Variants in RAPGEF1 observed in about 807,000 individuals in gnomAD.
The protein encoded by RAPGEF1 is CRK SH3-binding GNRP.
RAPGEF1 carries 33 observed loss-of-function variants against 143.3 expected under a neutral mutation model. The ratio of observed to expected loss-of-function variants is 0.23; its 90% confidence interval spans 0.17 to 0.31. The LOEUF (loss-of-function observed/expected upper bound fraction) is 0.31, where lower values mean the gene tolerates loss of function less well. RAPGEF1 is among the 10% of genes least tolerant of loss of function. The pLI is 1.00. For missense variants in RAPGEF1, 1,199 were observed against 1,645.4 expected (o/e 0.73, Z 4.69); for synonymous variants, 629 against 676.5 (o/e 0.93, Z 1.09).
At position 131,686,517 on chromosome 9, in the gene RAPGEF1, T is replaced by C. The variant is rs1465837266; in HGVS notation, c.62-35568A>G. On this transcript the variant is annotated intron_variant, in intron 1 of 26. Transcript: ENST00000683357. ...GGCAGCCACACAAGGAGCTGCCCAA[T>C]TGGCCTGAAATCAACACAAAGTCAC... Among the ~76,000 whole-genome samples, 3 of 152,282 alleles carry C rather than the reference T, an allele frequency of 2.0e-5. 1 individual carries two copies. In the East Asian group the frequency reaches 5.8e-4, roughly 29 times the overall value.
intron 1 of RAPGEF1, among the ~76,000 whole-genome samples, chr9:131,662,903 A>C (rs2133686078): frequency 6.6e-6 from 1 of 152,238 alleles, no homozygotes; most frequent in Non-Finnish European, 1.5e-5. Flanking sequence ...TCCTGGGCTC[A>C]AGTGATCCTC....
rs112940795 is a variant in RAPGEF1, at chr9:131,592,186, A to C, written c.2690-3T>G. 2,388 of 1,504,636 alleles carry C rather than the reference A, an allele frequency of 1.6e-3. 32 individuals carry two copies. The African/African-American group carries it at 0.041, about 26-fold the overall frequency. The allele number at this position is 1,504,636 out of a possible 1,614,324, so 93.2% of individuals were successfully genotyped here. A position where few individuals can be genotyped will look rare whatever the true frequency, so the allele number is the denominator to read the frequency against. ...TGCCTCGCAGTACAACACCAAATCT[A>C]GAGGGAAAAAACAATGCAAACTGCT... On this transcript the variant is annotated splice_region_variant and splice_polypyrimidine_tract_variant and intron_variant, in intron 17 of 26. Transcript: ENST00000683357.
At chr9:131,581,503 A>G (rs1457646973) in intron 25 of RAPGEF1, among the ~76,000 whole-genome samples, 1 of 152,024 alleles carries the variant, frequency 6.6e-6, no homozygotes, top group Admixed American at 6.6e-5. Context: ...AGCCTGGCCA[A>G]CATGGTGAAA....
intron 1 of RAPGEF1, chr9:131,737,508 C>A (rs988107473): frequency 2.5e-6 from 4 of 1,613,054 alleles, no homozygotes; most frequent in Admixed American, 3.3e-5. Flanking sequence ...TCATCTACAA[C>A]CCCCTAGCAG....
At chr9:131,586,422 G>A (rs1226738785) in intron 22 of RAPGEF1, among the ~76,000 whole-genome samples, 12 of 32,024 alleles carry the variant, frequency 3.7e-4, no homozygotes, top group Admixed American at 7.5e-4. Context: ...ACACACACCT[G>A]CAGAGCGAGA....
Position 131,628,021 on chromosome 9 carries a change from G to A in RAPGEF1, c.1093C>T (p.Leu365Phe). 2 of 1,565,824 alleles carry A rather than the reference G, an allele frequency of 1.3e-6. No individual in the cohort carries two copies. Among genetic ancestry groups the A allele is most frequent in the Non-Finnish European group, 1.7e-6 (2 of 1,155,516 alleles). Residue 365 changes from leucine to phenylalanine, a missense_variant, in exon 9 of 27, where the codon CTC (leucine) becomes TTC (phenylalanine). By Grantham distance (22) the Leu-to-Phe change is conservative (BLOSUM62 0). Around this residue, in one of 6 missense-constraint regions of RAPGEF1, gnomAD observed 613 missense variants for 710.9 expected, o/e 0.86. Transcript: ENST00000683357. This position sits in a 1 kb window ranked among gnomAD's most constrained non-coding sequence, Gnocchi z 5.7. ...SHSYGGESPR[L>F]SPCSSIGKLS... ...TTGCCTATGCTGCTGCAGGGGGAGA[G>A]GCGGGGCGACTCTCCACCATATGAG...
chr9:131,617,239 G>A (rs1344844435), intron 12 of RAPGEF1, among the ~76,000 whole-genome samples: 1 of 152,256 alleles, frequency 6.6e-6, no homozygotes, highest in Non-Finnish European at 1.5e-5. Flanking sequence ...ATTGTCTAAA[G>A]GCCAAGTTTC....
chr9:131,674,661 G>A (rs970808271), intron 1 of RAPGEF1, among the ~76,000 whole-genome samples: 4 of 152,184 alleles, frequency 2.6e-5, no homozygotes, highest in African/African-American at 7.2e-5. Context: ...AGTCCAGTCC[G>A]GTGACCGCCT....
At chr9:131,707,374 T>C (rs1166656364) in intron 1 of RAPGEF1, among the ~76,000 whole-genome samples, 1 of 152,226 alleles carries the variant, frequency 6.6e-6, no homozygotes, top group Non-Finnish European at 1.5e-5. Flanking sequence ...GTTAAACTTA[T>C]CCCATTTTGC....
At chr9:131,683,982 A>G (rs1833126125) in intron 1 of RAPGEF1, among the ~76,000 whole-genome samples, 1 of 152,236 alleles carries the variant, frequency 6.6e-6, no homozygotes, top group Non-Finnish European at 1.5e-5. Flanking sequence ...GACTGAAGGG[A>G]ATCAAATGGC....
At position 131,709,713 on chromosome 9, in the gene RAPGEF1, C is replaced by A. The variant is rs751650258; in HGVS notation, c.61+30057G>T. 6.2e-5 allele frequency: 100 copies of A among 1,613,630 alleles called. 2 individuals carry two copies. In the East Asian group the frequency reaches 2.2e-3, roughly 36 times the overall value. On this transcript the variant is annotated intron_variant, in intron 1 of 26. Coordinates refer to ENST00000683357, the MANE Select transcript of RAPGEF1 (RefSeq NM_001377935.1). ...AAGCCAGAGGACACAGGGCCCTTCC[C>A]AGCCCCAGCGTCTTTCCGGAGCAGC...
At position 131,621,124 on chromosome 9, in the gene RAPGEF1, C is replaced by T. The variant is rs2132846477; in HGVS notation, c.1905+672G>A. ...GCCACAGGTACCCCCGATCTGCTCA[C>T]CCTCCCAGTGCCTGGGCAGTTCCAG... On this transcript the variant is annotated intron_variant, in intron 11 of 26. Coordinates refer to ENST00000683357, the MANE Select transcript of RAPGEF1 (RefSeq NM_001377935.1). This position sits in a 1 kb window ranked among gnomAD's most constrained non-coding sequence, Gnocchi z 4.5. 6.6e-6 allele frequency among the ~76,000 whole-genome samples: 1 copy of T among 152,392 alleles called. No individual in the cohort carries two copies. The highest frequency in any genetic ancestry group is 2.4e-5 in the African/African-American group (1 of 41,596).
In RAPGEF1 at chr9:131,737,524, G is replaced by A. The variant is rs1422573434; in HGVS notation, c.61+2246C>T. The A allele has an allele frequency of 1.1e-5, 18 of 1,611,932 alleles. No homozygotes were observed. In the South Asian group the frequency reaches 1.3e-4, roughly 12 times the overall value. On this transcript the variant is annotated intron_variant, in intron 1 of 26. Coordinates refer to ENST00000683357, the MANE Select transcript of RAPGEF1 (RefSeq NM_001377935.1). The stretch of plus-strand genomic sequence containing the variant: ...CATCTACAACCCCCTAGCAGAAGGC[G>A]GTGCCCAGAAAAGGCCCAAGGACAA...
chr9:131,681,931 T>G (rs528573254), intron 1 of RAPGEF1, among the ~76,000 whole-genome samples: 1 of 152,210 alleles, frequency 6.6e-6, no homozygotes, highest in African/African-American at 2.4e-5. Flanking sequence ...GCTCAGGATA[T>G]AGTGTTGCAG....
At chr9:131,586,104 G>A (rs538642976) in intron 22 of RAPGEF1, among the ~76,000 whole-genome samples, 18 of 152,128 alleles carry the variant, frequency 1.2e-4, no homozygotes, top group Admixed American at 3.3e-4. Context: ...GCGTGAACCC[G>A]GGAGGTGGAG....
intron 1 of RAPGEF1, among the ~76,000 whole-genome samples, chr9:131,735,132 G>A (rs1837335392): frequency 6.6e-6 from 1 of 152,250 alleles, no homozygotes; most frequent in Admixed American, 6.5e-5. Flanking sequence ...TCTTTGCTGT[G>A]TCCCAAGAAC....
rs996758994 is a variant in RAPGEF1, at chr9:131,628,506, C to T, written c.1017+43G>A. On this transcript the variant is annotated intron_variant, in intron 8 of 26. Coordinates refer to ENST00000683357, the MANE Select transcript of RAPGEF1 (RefSeq NM_001377935.1). The surrounding 1 kb of genome is among the most constrained non-coding windows in gnomAD (Gnocchi z 5.7). ...AGGAGCCACATCCCTGAGCCCCCCA[C>T]CCCCTCCCTGCCTTCCCATGCAGGG... The T allele has an allele frequency of 2.5e-6, 4 of 1,600,764 alleles. No homozygotes were observed. Among genetic ancestry groups the T allele is most frequent in the South Asian group, 1.1e-5 (1 of 90,480 alleles).
intron 5 of RAPGEF1, among the ~76,000 whole-genome samples, chr9:131,634,892 C>T (rs1049805946): frequency 6.6e-6 from 1 of 152,042 alleles, no homozygotes; most frequent in African/African-American, 2.4e-5. Flanking sequence ...TCTTTGGCCT[C>T]GAGTGGCTCG....
intron 6 of RAPGEF1, among the ~76,000 whole-genome samples, chr9:131,629,752 C>T (rs1160358522): frequency 6.6e-6 from 1 of 151,984 alleles, no homozygotes; most frequent in East Asian, 1.9e-4. Flanking sequence ...GATCGCACCA[C>T]TGCACTCCAG....
Sources: allele counts gnomAD v4.1 joint callset (sites outside exome capture counted in the v4.1 genomes callset), GRCh38; gene constraint gnomAD v4.1.1; regional missense constraint gnomAD v4.1.1; non-coding constraint Gnocchi (gnomAD v3.1); transcripts MANE v1.5; gene names NCBI Gene and HGNC (gene_info 2026-07-23, HGNC 2026-07-21).